Variants in AFDN observed in about 807,000 individuals in gnomAD.
AFDN encodes the protein afadin, adherens junction formation factor, also known as afadin.
Under a neutral mutation model 216.6 loss-of-function variants are expected in AFDN, and 68 were observed. The observed-to-expected ratio is 0.31, with a 90% CI of 0.26 to 0.38. The LOEUF is 0.38. AFDN is among the 10% of genes least tolerant of loss of function. The pLI, the probability that AFDN is intolerant of heterozygous loss-of-function variation, is 1.00. For missense variants in AFDN, 2,136 were observed against 2,342.0 expected, an observed-to-expected ratio of 0.91 and a Z score of 1.82; for synonymous variants, 868 against 853.7, an observed-to-expected ratio of 1.02 and a Z score of -0.29.
At chr6:167,927,603 G>A (rs1228969249) in intron 23 of AFDN, among the ~76,000 whole-genome samples, 1 of 152,162 alleles carries the variant, frequency 6.6e-6, no homozygotes, top group African/African-American at 2.4e-5. Context: ...GTTCGTCAGA[G>A]GAACCTGAAC....
chr6:167,920,131 A>C (rs1408578737), intron 21 of AFDN, among the ~76,000 whole-genome samples: 4 of 152,130 alleles, frequency 2.6e-5, no homozygotes, highest in Non-Finnish European at 5.9e-5. Context: ...AGGTGAGATG[A>C]GGCTGGGGTG....
chr6:167,842,847 C>G (rs1216843258), intron 1 of AFDN, among the ~76,000 whole-genome samples: 1 of 152,070 alleles, frequency 6.6e-6, no homozygotes, highest in African/African-American at 2.4e-5. Flanking sequence ...TTTTCAAGTC[C>G]TCTGCCTTGG....
chr6:167,920,876 TACTTAACATGTCTTCCCCAC>T (rs935585821), intron 21 of AFDN, among the ~76,000 whole-genome samples: 7 of 152,218 alleles, frequency 4.6e-5, no homozygotes, highest in African/African-American at 9.6e-5. Context: ...AGTGTCTTCC[TACTTAACATGTCTTCCCCAC>T]ACTTAACATG....
intron 23 of AFDN, among the ~76,000 whole-genome samples, chr6:167,926,482 A>G (rs567051069): frequency 6.6e-6 from 1 of 152,294 alleles, no homozygotes; most frequent in South Asian, 2.1e-4. Flanking sequence ...TTGCTGTGTC[A>G]CCCAGGCTGG....
chr6:167,905,093 A>T (rs992318880), intron 12 of AFDN, among the ~76,000 whole-genome samples: 9 of 151,652 alleles, frequency 5.9e-5, no homozygotes, highest in Admixed American at 5.3e-4. Context: ...TGCTTTTCAC[A>T]CTCTGGCCCC....
At chr6:167,913,348 T>G in intron 15 of AFDN, 55 bp from the exon 16 acceptor site, 4 of 1,513,650 alleles carry the variant, frequency 2.6e-6, no homozygotes, top group Non-Finnish European at 3.6e-6. Context: ...TCATGATTGT[T>G]TACAAGTTTC....
intron 1 of AFDN, among the ~76,000 whole-genome samples, chr6:167,847,488 T>G (rs957451314): frequency 3.3e-5 from 5 of 152,106 alleles, no homozygotes; most frequent in East Asian, 3.9e-4. Context: ...CTCATCTGCT[T>G]CTTCTTCAGC....
intron 3 of AFDN, 85 bp from the exon 4 acceptor site, chr6:167,872,129 A>G: frequency 8.0e-7 from 1 of 1,243,378 alleles, no homozygotes; most frequent in Non-Finnish European, 1.1e-6. Context: ...GTTCGGCAGC[A>G]TGTGAGATGA....
rs1583004751 is a variant in AFDN, at chr6:167,946,838, T to C, written c.3490T>C (p.Leu1164=). The change falls in exon 27 of 34, where the codon TTG becomes CTG. Residue 1164 remains leucine, a synonymous_variant. Transcript: ENST00000683244. The stretch of plus-strand genomic sequence containing the variant: ...GGCAGAATATAGTGAACCAAAGAAA[T>C]TGCCTGGTGATGACAGACTGATGAA... ...PWAEYSEPKK[L]PGDDRLMKNR... is the part of the protein sequence containing the mutation. The C allele has an allele frequency of 1.2e-6, 2 of 1,612,906 alleles. No individual in the cohort carries two copies. The highest frequency in any genetic ancestry group is 3.3e-5 in the Admixed American group (2 of 59,764).
intron 1 of AFDN, among the ~76,000 whole-genome samples, chr6:167,843,980 T>C (rs1325767663): frequency 1.3e-5 from 2 of 152,144 alleles, no homozygotes; most frequent in Non-Finnish European, 2.9e-5. Flanking sequence ...TTAAGTTTTA[T>C]AGCAAGAGAT....
intron 11 of AFDN, among the ~76,000 whole-genome samples, chr6:167,901,802 T>C (rs1458749569): frequency 1.3e-5 from 2 of 151,048 alleles, no homozygotes; most frequent in Non-Finnish European, 3.0e-5. Flanking sequence ...AAAAAAAAAA[T>C]ATGATCGGGC....
chr6:167,843,419 T>C (rs935125202), intron 1 of AFDN, among the ~76,000 whole-genome samples: 21 of 152,194 alleles, frequency 1.4e-4, no homozygotes, highest in Non-Finnish European at 2.4e-4. Context: ...ATTGCTAAGA[T>C]TGATGAATGG....
chr6:167,958,248 A>C (rs1796711272), intron 30 of AFDN, among the ~76,000 whole-genome samples: 1 of 152,250 alleles, frequency 6.6e-6, no homozygotes, highest in Non-Finnish European at 1.5e-5. Flanking sequence ...GTTTCCAGGA[A>C]ATCTCATTAC....
chr6:167,830,548 A>G (rs568175409), intron 1 of AFDN, among the ~76,000 whole-genome samples: 2 of 152,332 alleles, frequency 1.3e-5, no homozygotes, highest in South Asian at 2.1e-4. Flanking sequence ...TAGTTTTGCA[A>G]GAAGCTTACA....
intron 1 of AFDN, among the ~76,000 whole-genome samples, chr6:167,847,849 A>G (rs1378953496): frequency 1.3e-5 from 2 of 152,108 alleles, no homozygotes; most frequent in East Asian, 3.8e-4. Context: ...TAATGTTTCT[A>G]TTCAGACTCC....
chr6:167,855,731 A>C (rs1782820233), intron 1 of AFDN, among the ~76,000 whole-genome samples: 1 of 152,102 alleles, frequency 6.6e-6, no homozygotes, highest in Non-Finnish European at 1.5e-5. Flanking sequence ...AGCTACACCA[A>C]ATAGTGACCT....
At chr6:167,872,119 G>A in intron 3 of AFDN, 95 bp from the exon 4 acceptor site, 2 of 1,159,128 alleles carry the variant, frequency 1.7e-6, no homozygotes, top group Non-Finnish European at 1.2e-6. Flanking sequence ...TTGTTCACAT[G>A]TTCGGCAGCA....
At chr6:167,896,126 G>A (rs150228209) in intron 9 of AFDN, among the ~76,000 whole-genome samples, 1,557 of 152,002 alleles carry the variant, frequency 0.01, 29 homozygotes, top group African/African-American at 0.036. Flanking sequence ...AGAGGGCTTC[G>A]GCAGAGCAGC....
At chr6:167,964,486 T>A (rs1253986995) in intron 31 of AFDN, 1 of 1,065,548 alleles carries the variant, frequency 9.4e-7, no homozygotes, top group Non-Finnish European at 1.1e-6. Context: ...AGTCTTTCCT[T>A]CAGGATTTCT....
Sources: gnomAD v4.1 joint callset for allele counts (sites outside exome capture counted in the v4.1 genomes callset) on GRCh38, gnomAD v4.1.1 for gene constraint, MANE v1.5 for transcripts, NCBI Gene and HGNC (gene_info 2026-07-23, HGNC 2026-07-21) for gene names.